Variants in MPPED2 observed in about 807,000 individuals in gnomAD.
MPPED2 encodes the protein metallophosphoesterase domain containing 2.
MPPED2 carries 5 observed loss-of-function variants against 33.0 expected under a neutral mutation model. The observed-to-expected ratio is 0.15, with a 90% CI of 0.08 to 0.32. The LOEUF (loss-of-function observed/expected upper bound fraction) is 0.32, where lower values mean the gene tolerates loss of function less well. MPPED2 is among the 10% of genes least tolerant of loss of function. The pLI, the probability that MPPED2 is intolerant of heterozygous loss-of-function variation, is 1.00. For missense variants in MPPED2, 275 were observed against 372.1 expected (o/e 0.74, Z 2.15); for synonymous variants, 136 against 141.9 (o/e 0.96, Z 0.29).
chr11:30,424,771 C>G (rs1468264584), intron 4 of MPPED2, among the ~76,000 whole-genome samples: 1 of 152,190 alleles, frequency 6.6e-6, no homozygotes, highest in East Asian at 1.9e-4. Context: ...TCTGGGCAGC[C>G]TGGAAGTTCC....
chr11:30,539,523 C>T (rs759024326), intron 2 of MPPED2, among the ~76,000 whole-genome samples: 27 of 152,168 alleles, frequency 1.8e-4, no homozygotes, highest in Non-Finnish European at 1.5e-5. Flanking sequence ...TATGGGGCAT[C>T]TCGTTCAATG....
chr11:30,508,827 G>A (rs906520725), intron 3 of MPPED2, among the ~76,000 whole-genome samples: 2 of 152,144 alleles, frequency 1.3e-5, no homozygotes, highest in African/African-American at 4.8e-5. Flanking sequence ...GTCTGAGCTT[G>A]CCAAGTGCTT....
intron 3 of MPPED2, among the ~76,000 whole-genome samples, chr11:30,524,842 T>C (rs1260910718): frequency 6.6e-6 from 1 of 152,174 alleles, no homozygotes. Context: ...GTTTGAGGTA[T>C]TATTGGTTTT....
At chr11:30,505,630 T>G (rs1201855966) in intron 3 of MPPED2, among the ~76,000 whole-genome samples, 3 of 152,238 alleles carry the variant, frequency 2.0e-5, no homozygotes, top group Non-Finnish European at 4.4e-5. Flanking sequence ...TCAGACTAGC[T>G]TCTAAAGACC....
At chr11:30,499,138 G>A (rs1351083244) in intron 3 of MPPED2, among the ~76,000 whole-genome samples, 1 of 152,106 alleles carries the variant, frequency 6.6e-6, no homozygotes, top group African/African-American at 2.4e-5. Flanking sequence ...GGCTCCAACT[G>A]AGCCCCTCTC....
chr11:30,482,510 G>A lies in MPPED2; in HGVS notation c.536+12786C>T, dbSNP rs141868961. ...AAACATAATTTTTAAGAATCGAGAT[G>A]TCTACTTTTTGCATGATTTCTATTT... On this transcript the variant is annotated intron_variant, in intron 4 of 6. Transcript: ENST00000358117. Among the ~76,000 whole-genome samples the A allele has an allele frequency of 2.4e-3, 363 of 152,228 alleles. 2 individuals carry two copies. The highest frequency in any genetic ancestry group is 8.4e-3 in the African/African-American group (348 of 41,552).
At chr11:30,474,760 C>T (rs946329387) in intron 4 of MPPED2, among the ~76,000 whole-genome samples, 18 of 152,022 alleles carry the variant, frequency 1.2e-4, no homozygotes, top group African/African-American at 3.9e-4. Flanking sequence ...CTGGATCAAG[C>T]TATTCTCGGT....
intron 2 of MPPED2, among the ~76,000 whole-genome samples, chr11:30,567,964 A>G (rs1181242668): frequency 6.6e-6 from 1 of 152,160 alleles, no homozygotes; most frequent in Non-Finnish European, 1.5e-5. Context: ...CAAGAATAAA[A>G]CAGACACACC....
At position 30,411,030 on chromosome 11, in the gene MPPED2, C is replaced by T; in HGVS notation, c.*438G>A. ...CAAAAAAGAAGCATTACCAAGAAAA[C>T]AACAACAACAAAACATTGAAAATTA... On this transcript the variant is annotated 3_prime_UTR_variant, in exon 7 of 7. Transcript: ENST00000358117. 1.0e-6 allele frequency: 1 copy of T among 985,490 alleles called. No homozygotes were observed. The highest frequency in any genetic ancestry group is 1.2e-6 in the Non-Finnish European group (1 of 829,680). 61.0% of individuals were successfully genotyped at this position (985,490 alleles called of 1,614,324 possible).
chr11:30,528,537 G>A (rs886902739), intron 3 of MPPED2, among the ~76,000 whole-genome samples: 3 of 152,172 alleles, frequency 2.0e-5, no homozygotes, highest in African/African-American at 7.2e-5. Flanking sequence ...GATTATAGGC[G>A]TGAGCCACCG....
chr11:30,584,110 C>G (rs1012530847), intron 1 of MPPED2: 1 of 152,114 alleles, frequency 6.6e-6, no homozygotes. Context: ...AGCGCCCTCC[C>G]TCCCACCGCA....
In MPPED2 at chr11:30,560,312, T is replaced by TA. The variant is rs569768584; in HGVS notation, c.128+19933dup. Among the ~76,000 whole-genome samples the TA allele has an allele frequency of 1.2e-3, 182 of 149,476 alleles. No individual in the cohort carries two copies. In the Middle Eastern group the frequency reaches 0.014, roughly 11 times the overall value. ...AAAGATGACTAACAAGTTTTTTTTT[T>TA]AAAAAAAAAAAATATGTTAACCATT... On this transcript the variant is annotated intron_variant, in intron 2 of 6. Coordinates refer to ENST00000358117, the MANE Select transcript of MPPED2 (RefSeq NM_001584.3).
intron 2 of MPPED2, among the ~76,000 whole-genome samples, chr11:30,565,155 G>T (rs1049407533): frequency 6.6e-6 from 1 of 152,092 alleles, no homozygotes; most frequent in African/African-American, 2.4e-5. Flanking sequence ...ATGCAACACC[G>T]CAACTGCTAA....
chr11:30,444,590 T>A (rs1426032373), intron 4 of MPPED2, among the ~76,000 whole-genome samples: 1 of 152,132 alleles, frequency 6.6e-6, no homozygotes, highest in African/African-American at 2.4e-5. Context: ...TTTACTGTGA[T>A]TTCAAATAAT....
intron 3 of MPPED2, among the ~76,000 whole-genome samples, chr11:30,508,724 A>G (rs1952976780): frequency 6.6e-6 from 1 of 152,154 alleles, no homozygotes; most frequent in African/African-American, 2.4e-5. Flanking sequence ...CAGATTCTCT[A>G]TTATTGCCCA....
chr11:30,536,234 C>A lies in MPPED2; in HGVS notation c.129-59G>T. On this transcript the variant is annotated intron_variant, in intron 2 of 6. Transcript: ENST00000358117. ...AACATATTAGAACCCTTGAAATTGT[C>A]GTCGCACATACATATTTATTATTAT... is the stretch of plus-strand genomic sequence containing the variant. 2.2e-6 allele frequency: 3 copies of A among 1,363,392 alleles called. No homozygotes were observed. The South Asian group carries it at 5.7e-5, about 26-fold the overall frequency. The allele number at this position is 1,363,392 out of a possible 1,614,324, so 84.5% of individuals were successfully genotyped here.
At chr11:30,544,424 A>C (rs1955300233) in intron 2 of MPPED2, among the ~76,000 whole-genome samples, 1 of 152,232 alleles carries the variant, frequency 6.6e-6, no homozygotes, top group Non-Finnish European at 1.5e-5. Context: ...GTCAATAACC[A>C]TGTCTTAAGC....
chr11:30,470,916 C>T (rs1950920426), intron 4 of MPPED2, among the ~76,000 whole-genome samples: 1 of 152,148 alleles, frequency 6.6e-6, no homozygotes, highest in African/African-American at 2.4e-5. Context: ...TATACCTCCA[C>T]AGATAATGGA....
chr11:30,558,171 T>C (rs1407591428), intron 2 of MPPED2, among the ~76,000 whole-genome samples: 1 of 152,090 alleles, frequency 6.6e-6, no homozygotes, highest in Non-Finnish European at 1.5e-5. Flanking sequence ...ATGTATTTTA[T>C]TATTATTATT....
Sources: gnomAD v4.1 joint callset for allele counts (sites outside exome capture counted in the v4.1 genomes callset) on GRCh38, gnomAD v4.1.1 for gene constraint, MANE v1.5 for transcripts, NCBI Gene and HGNC (gene_info 2026-07-23, HGNC 2026-07-21) for gene names.